The following ZC3H12B variants were observed in gnomAD, a reference collection of about 807,000 sequenced individuals.
ZC3H12B encodes the protein zinc finger CCCH-type containing 12B, also known as probable ribonuclease ZC3H12B.
In ZC3H12B, 7 loss-of-function variants were observed where a neutral mutation model predicts 43.9. The ratio of observed to expected loss-of-function variants is 0.16; its 90% CI spans 0.09 to 0.30. ZC3H12B has a LOEUF of 0.30. Among genes scored for constraint, ZC3H12B ranks in the 10% least tolerant of loss-of-function variants. The pLI is 1.00. For missense variants in ZC3H12B, 475 were observed against 670.2 expected, an observed-to-expected ratio of 0.71 and a Z score of 3.22; for synonymous variants, 222 against 241.7, an observed-to-expected ratio of 0.92 and a Z score of 0.76.
the ZC3H12B span, among the ~76,000 whole-genome samples, chrX:65,309,299 A>G: frequency 1.8e-5 from 2 of 111,976 alleles, no homozygotes; most frequent in Non-Finnish European, 3.8e-5. Context: ...CACAGTAAAA[A>G]CTGATAAAGG....
the ZC3H12B span, among the ~76,000 whole-genome samples, chrX:65,221,321 A>G: frequency 1.8e-5 from 2 of 111,685 alleles, no homozygotes; most frequent in Non-Finnish European, 3.8e-5. Context: ...AATCTAGCAG[A>G]AGAAAATAAA....
At chrX:65,105,372 TAACCAACCTG>T in the ZC3H12B span, among the ~76,000 whole-genome samples, 1 of 111,438 alleles carries the variant, frequency 9.0e-6, no homozygotes, top group Admixed American at 9.6e-5. Flanking sequence ...TAAATCTATG[TAACCAACCTG>T]CACATTCAGC....
At chrX:65,225,713 A>G in the ZC3H12B span, among the ~76,000 whole-genome samples, 6 of 112,446 alleles carry the variant, frequency 5.3e-5, no homozygotes, top group African/African-American at 1.6e-4. Flanking sequence ...AAGGCTCGAG[A>G]ACTACATGAA....
the ZC3H12B span, among the ~76,000 whole-genome samples, chrX:65,159,463 C>G: frequency 9.0e-6 from 1 of 111,524 alleles, no homozygotes; most frequent in African/African-American, 3.3e-5. Flanking sequence ...CTGTAGTTCT[C>G]CTTCAGGAGG....
chrX:65,422,825 C>T (rs967984145), intron 3 of ZC3H12B, among the ~76,000 whole-genome samples: 1 of 109,040 alleles, frequency 9.2e-6, no homozygotes, highest in African/African-American at 3.4e-5. Flanking sequence ...GAGAATGATG[C>T]TTTCCAGCTT....
At chrX:65,114,030 T>C in the ZC3H12B span, among the ~76,000 whole-genome samples, 40 of 89,571 alleles carry the variant, frequency 4.5e-4, no homozygotes, top group Non-Finnish European at 8.7e-4. Context: ...TATATATTCA[T>C]CTTTAGCCTG....
intron 3 of ZC3H12B, among the ~76,000 whole-genome samples, chrX:65,470,693 A>T (rs1435321039): frequency 1.8e-5 from 2 of 111,535 alleles, no homozygotes; most frequent in Non-Finnish European, 3.8e-5. Flanking sequence ...GGGTGTTGTG[A>T]GTCCCTCCTT....
At chrX:65,466,750 T>G (rs2067822507) in intron 3 of ZC3H12B, among the ~76,000 whole-genome samples, 1 of 104,841 alleles carries the variant, frequency 9.5e-6, no homozygotes, top group East Asian at 3.0e-4. Flanking sequence ...ATCATACTGA[T>G]AATAGCCTTT....
At chrX:65,215,600 T>A in the ZC3H12B span, among the ~76,000 whole-genome samples, 2 of 111,384 alleles carry the variant, frequency 1.8e-5, no homozygotes, top group African/African-American at 6.5e-5. Context: ...TGATCTTCAA[T>A]CCAGACCACT....
chrX:65,375,103 T>C (rs1054750568), intron 2 of ZC3H12B, among the ~76,000 whole-genome samples: 1 of 111,596 alleles, frequency 9.0e-6, no homozygotes, highest in African/African-American at 3.3e-5. Flanking sequence ...TGTGAGAAAA[T>C]AATCTGTGTT....
chrX:65,313,559 G>T, the ZC3H12B span, among the ~76,000 whole-genome samples: 1 of 111,931 alleles, frequency 8.9e-6, no homozygotes, highest in African/African-American at 3.2e-5. Context: ...TCTATGATTC[G>T]CACTTACAAA....
chrX:65,344,871 C>A, the ZC3H12B span, among the ~76,000 whole-genome samples: 1 of 111,936 alleles, frequency 8.9e-6, no homozygotes, highest in Non-Finnish European at 1.9e-5. Flanking sequence ...AAGGAAAAAA[C>A]AACCTCATTA....
chrX:65,379,828 G>A (rs1288156128), intron 2 of ZC3H12B, among the ~76,000 whole-genome samples: 1 of 112,315 alleles, frequency 8.9e-6, no homozygotes, highest in Non-Finnish European at 1.9e-5. Context: ...CTCAGGAGCC[G>A]ATGTGATCAA....
chrX:65,250,450 T>A, the ZC3H12B span, among the ~76,000 whole-genome samples: 11 of 111,691 alleles, frequency 9.8e-5, no homozygotes, highest in Non-Finnish European at 1.9e-4. Context: ...GGGTATATAC[T>A]CAATAATGGG....
intron 3 of ZC3H12B, among the ~76,000 whole-genome samples, chrX:65,436,715 G>A (rs2148118317): frequency 9.0e-6 from 1 of 111,351 alleles, no homozygotes; most frequent in African/African-American, 3.3e-5. Flanking sequence ...TGGGTACATA[G>A]TAGGTGTATA....
At chrX:65,472,800 A>G (rs1602502953) in intron 3 of ZC3H12B, among the ~76,000 whole-genome samples, 3 of 83,290 alleles carry the variant, frequency 3.6e-5, no homozygotes, top group East Asian at 7.5e-4. Context: ...TGCTTGTACC[A>G]TACTGTTTTG....
At chrX:65,285,721 A>G in the ZC3H12B span, among the ~76,000 whole-genome samples, 1 of 111,859 alleles carries the variant, frequency 8.9e-6, no homozygotes, top group Non-Finnish European at 1.9e-5. Flanking sequence ...TTAAACCTAG[A>G]AGTGATAGGA....
chrX:65,230,894 C>T, the ZC3H12B span, among the ~76,000 whole-genome samples: 4 of 111,816 alleles, frequency 3.6e-5, no homozygotes, highest in South Asian at 3.7e-4. Flanking sequence ...ACTACTTTAA[C>T]GCTGTAATTT....
At chrX:65,164,581 C>T in the ZC3H12B span, among the ~76,000 whole-genome samples, 1 of 111,584 alleles carries the variant, frequency 9.0e-6, no homozygotes, top group East Asian at 2.8e-4. Flanking sequence ...ATCTTTGTTT[C>T]AAAGTTGAAC....
Sources: allele counts gnomAD v4.1 joint callset (sites outside exome capture counted in the v4.1 genomes callset), GRCh38; gene constraint gnomAD v4.1.1; transcripts MANE v1.5; gene names NCBI Gene and HGNC (gene_info 2026-07-23, HGNC 2026-07-21).